PHLDB2: variants seen among roughly 807,000 people sequenced by gnomAD.
The protein encoded by PHLDB2 is pleckstrin homology-like domain family B member 2.
A neutral mutation model predicts 123.6 loss-of-function variants in PHLDB2; 71 were observed. That is an observed-to-expected ratio of 0.57 (90% CI 0.47 to 0.70). The LOEUF (loss-of-function observed/expected upper bound fraction) is 0.70, where lower values mean the gene tolerates loss of function less well. Among genes scored for constraint, PHLDB2 ranks in the 30% least tolerant of loss-of-function variants. The probability of loss-of-function intolerance (pLI) is 0.00; values close to 1 mark genes in which losing one functional copy is unlikely to be tolerated. For missense variants in PHLDB2, 1,446 were observed against 1,519.5 expected (o/e 0.95, Z 0.80); for synonymous variants, 547 against 541.6 (o/e 1.01, Z -0.14).
intron 1 of PHLDB2, among the ~76,000 whole-genome samples, chr3:111,747,290 G>A (rs1206569396): frequency 2.0e-5 from 3 of 152,058 alleles, no homozygotes; most frequent in Non-Finnish European, 2.9e-5. Context: ...GAGAGTAGGT[G>A]ACTATGGCAA....
chr3:111,950,794 G>A (rs2070667027), intron 10 of PHLDB2, among the ~76,000 whole-genome samples: 1 of 152,130 alleles, frequency 6.6e-6, no homozygotes, highest in Non-Finnish European at 1.5e-5. Flanking sequence ...ATCTCTCACT[G>A]CCTTAAGGTT....
intron 2 of PHLDB2, among the ~76,000 whole-genome samples, chr3:111,912,748 T>C (rs2067962134): frequency 6.6e-6 from 1 of 152,146 alleles, no homozygotes; most frequent in African/African-American, 2.4e-5. Context: ...TCAGTAGTGA[T>C]GAAAAAGCTA....
intron 2 of PHLDB2, among the ~76,000 whole-genome samples, chr3:111,898,182 T>TTTGTGTGTGTGTG (rs2066985133): frequency 7.0e-6 from 1 of 142,552 alleles, no homozygotes; most frequent in African/African-American, 2.7e-5. Flanking sequence ...GTGTGTGTGT[T>TTTGTGTGTGTGTG]TGTGTGTGTG....
At chr3:111,904,732 A>G (rs956288706) in intron 2 of PHLDB2, among the ~76,000 whole-genome samples, 12 of 152,248 alleles carry the variant, frequency 7.9e-5, no homozygotes, top group African/African-American at 2.2e-4. Flanking sequence ...AGAGAGGGAA[A>G]GGTGTAGGAG....
intron 2 of PHLDB2, among the ~76,000 whole-genome samples, chr3:111,853,951 T>C (rs2064371068): frequency 6.6e-6 from 1 of 152,206 alleles, no homozygotes. Context: ...CTCAAATTAC[T>C]TGGCTATTGT....
intron 2 of PHLDB2, among the ~76,000 whole-genome samples, chr3:111,890,980 G>T (rs969942806): frequency 6.6e-6 from 1 of 152,282 alleles, no homozygotes; most frequent in East Asian, 1.9e-4. Flanking sequence ...AACTAAGAGT[G>T]ACTAAGTACA....
intron 10 of PHLDB2, 80 bp from the exon 11 acceptor site, chr3:111,952,492 A>T: frequency 6.8e-7 from 1 of 1,472,538 alleles, no homozygotes; most frequent in South Asian, 1.4e-5. Flanking sequence ...TTTTTTTGTA[A>T]GTGCATAATT....
intron 1 of PHLDB2, among the ~76,000 whole-genome samples, chr3:111,750,117 G>A (rs1375749385): frequency 6.6e-6 from 1 of 152,122 alleles, no homozygotes; most frequent in African/African-American, 2.4e-5. Context: ...AGCTGCACCA[G>A]CTAAGATAAA....
intron 10 of PHLDB2, among the ~76,000 whole-genome samples, chr3:111,950,074 T>C (rs568218952): frequency 6.6e-6 from 1 of 152,304 alleles, no homozygotes; most frequent in Non-Finnish European, 1.5e-5. Flanking sequence ...TGTTGTAAGG[T>C]TTTGATACCT....
At chr3:111,880,326 C>T (rs1250538613) in intron 1 of PHLDB2, among the ~76,000 whole-genome samples, 1 of 152,118 alleles carries the variant, frequency 6.6e-6, no homozygotes, top group Non-Finnish European at 1.5e-5. Flanking sequence ...GGCAAGTAGA[C>T]CACTCTGATG....
chr3:111,890,044 A>G (rs1047368557), intron 2 of PHLDB2, among the ~76,000 whole-genome samples: 4 of 152,154 alleles, frequency 2.6e-5, no homozygotes, highest in African/African-American at 9.7e-5. Context: ...CAGGCACAAA[A>G]TATATTCCTG....
chr3:111,975,735 A>G lies in PHLDB2; in HGVS notation c.*1172A>G, dbSNP rs541521345. The G allele has an allele frequency of 6.5e-6, 1 of 152,740 alleles. No individual in the cohort carries two copies. Among genetic ancestry groups the G allele is most frequent in the African/African-American group, 2.4e-5 (1 of 41,574 alleles). The allele number at this position is 152,740 out of a possible 1,614,324, so 9.5% of individuals were successfully genotyped here. On this transcript the variant is annotated 3_prime_UTR_variant, in exon 18 of 18. Coordinates refer to ENST00000431670, the MANE Select transcript of PHLDB2 (RefSeq NM_001134438.2). ...CTTTTATAATGGTTTTTCAAGTGCC[A>G]TTTATTCTAGTTTATCATGTTTTGC...
At chr3:111,927,167 A>G (rs577278396) in intron 5 of PHLDB2, among the ~76,000 whole-genome samples, 14 of 152,316 alleles carry the variant, frequency 9.2e-5, no homozygotes, top group African/African-American at 3.1e-4. Flanking sequence ...ACAAAGCCAC[A>G]GGGTTTAGGA....
intron 6 of PHLDB2, among the ~76,000 whole-genome samples, chr3:111,937,585 G>A (rs761548390): frequency 9.9e-5 from 15 of 151,972 alleles, no homozygotes; most frequent in Non-Finnish European, 1.0e-4. Context: ...AGACCAGCCT[G>A]GGCAATATGG....
chr3:111,873,729 A>G (rs2065458469), intron 1 of PHLDB2, among the ~76,000 whole-genome samples: 2 of 152,138 alleles, frequency 1.3e-5, no homozygotes, highest in African/African-American at 4.8e-5. Flanking sequence ...TATTTCTTTC[A>G]AAGCAAAGTC....
chr3:111,819,709 A>T (rs1388985631), intron 1 of PHLDB2, among the ~76,000 whole-genome samples: 1 of 152,216 alleles, frequency 6.6e-6, no homozygotes, highest in East Asian at 1.9e-4. Flanking sequence ...ACCCACTATT[A>T]TCTCAACCCC....
intron 1 of PHLDB2, among the ~76,000 whole-genome samples, chr3:111,749,843 C>T (rs1349655933): frequency 6.6e-6 from 1 of 152,164 alleles, no homozygotes; most frequent in South Asian, 2.1e-4. Flanking sequence ...ACAATGATGT[C>T]AAGAGCTGCT....
intron 1 of PHLDB2, among the ~76,000 whole-genome samples, chr3:111,781,714 C>T (rs2060483441): frequency 6.6e-6 from 1 of 152,146 alleles, no homozygotes. Context: ...TTTCTTCCGC[C>T]TTCTGCTATG....
intron 15 of PHLDB2, 91 bp downstream of exon 15, chr3:111,967,915 T>C: frequency 8.7e-7 from 1 of 1,155,924 alleles, no homozygotes; most frequent in Non-Finnish European, 1.1e-6. Context: ...GATGCTTTCC[T>C]GGGCACTGAG....
Sources: gnomAD v4.1 joint callset for allele counts (sites outside exome capture counted in the v4.1 genomes callset) on GRCh38, gnomAD v4.1.1 for gene constraint, MANE v1.5 for transcripts, NCBI Gene and HGNC (gene_info 2026-07-23, HGNC 2026-07-21) for gene names.